The following UPRT variants were observed in gnomAD, a reference collection of about 807,000 sequenced individuals.
The protein encoded by UPRT is uracil phosphoribosyltransferase homolog.
UPRT carries 5 observed loss-of-function variants against 22.6 expected under a neutral mutation model. That is an observed-to-expected ratio of 0.22 (90% confidence interval 0.12 to 0.47). The LOEUF (loss-of-function observed/expected upper bound fraction) is 0.47. Ranked by LOEUF, UPRT falls within the 20% of genes least tolerant of loss-of-function variation. The probability of loss-of-function intolerance (pLI) is 0.99; values close to 1 mark genes in which losing one functional copy is unlikely to be tolerated. For missense variants in UPRT, 181 were observed against 239.9 expected, an observed-to-expected ratio of 0.75 and a Z score of 1.62; for synonymous variants, 77 against 87.7, an observed-to-expected ratio of 0.88 and a Z score of 0.68.
At chrX:75,219,725 T>C in intron 4 of UPRT, among the ~76,000 whole-genome samples, 1 of 110,978 alleles carries the variant, frequency 9.0e-6, no homozygotes, top group South Asian at 3.8e-4. Context: ...TATAAAGCCA[T>C]TATTATTAGA....
chrX:75,233,329 C>A (rs370479865), intron 4 of UPRT, among the ~76,000 whole-genome samples: 3 of 111,204 alleles, frequency 2.7e-5, no homozygotes, highest in South Asian at 7.7e-4. Context: ...CTGAAAGTGA[C>A]GGGGAGAATG....
At chrX:75,174,839 T>C (rs2147606069) in intron 4 of UPRT, among the ~76,000 whole-genome samples, 1 of 111,850 alleles carries the variant, frequency 8.9e-6, no homozygotes, top group African/African-American at 3.3e-5. Flanking sequence ...GAAATTTACC[T>C]TGGCTTTTAA....
intron 4 of UPRT, among the ~76,000 whole-genome samples, chrX:75,175,416 C>T (rs767651974): frequency 7.1e-5 from 8 of 112,251 alleles, no homozygotes; most frequent in African/African-American, 2.3e-4. Context: ...TACAGGCTGT[C>T]CTAGGATTCC....
intron 1 of UPRT, among the ~76,000 whole-genome samples, chrX:75,284,395 T>C (rs2082671163): frequency 9.0e-6 from 1 of 111,624 alleles, no homozygotes; most frequent in Admixed American, 9.5e-5. Flanking sequence ...TACCAGGGTT[T>C]GTTTTCTGTT....
chrX:75,261,350 C>T (rs1445259777), intron 4 of UPRT, among the ~76,000 whole-genome samples: 2 of 111,616 alleles, frequency 1.8e-5, no homozygotes, highest in South Asian at 7.4e-4. Flanking sequence ...CCAAAGATCC[C>T]AAAGAAATAC....
At chrX:75,247,683 T>G (rs1437942850) in intron 4 of UPRT, among the ~76,000 whole-genome samples, 2 of 112,722 alleles carry the variant, frequency 1.8e-5, no homozygotes, top group Non-Finnish European at 3.8e-5. Flanking sequence ...CAGTAAACTC[T>G]GCAGACTTAA....
At chrX:75,239,702 A>G (rs949157376) in intron 4 of UPRT, among the ~76,000 whole-genome samples, 1 of 111,705 alleles carries the variant, frequency 9.0e-6, no homozygotes, top group African/African-American at 3.3e-5. Context: ...TATCCTTGAC[A>G]AAATACCAGC....
chrX:75,232,531 T>A (rs1459336158), intron 4 of UPRT, among the ~76,000 whole-genome samples: 3 of 112,372 alleles, frequency 2.7e-5, no homozygotes, highest in Non-Finnish European at 5.6e-5. Context: ...GACTTAAATG[T>A]CCCTGTCTGA....
intron 4 of UPRT, among the ~76,000 whole-genome samples, chrX:75,214,298 C>T (rs1349431466): frequency 8.9e-6 from 1 of 112,610 alleles, no homozygotes; most frequent in Non-Finnish European, 1.9e-5. Flanking sequence ...GTAGTATACA[C>T]ATACAATGAA....
At chrX:75,175,303 C>T (rs1344970649) in intron 4 of UPRT, among the ~76,000 whole-genome samples, 1 of 111,804 alleles carries the variant, frequency 8.9e-6, no homozygotes, top group East Asian at 2.8e-4. Flanking sequence ...GCTAATATAT[C>T]CCTCCCTAAT....
At chrX:75,186,341 A>T (rs1317278151) in intron 4 of UPRT, among the ~76,000 whole-genome samples, 1 of 111,641 alleles carries the variant, frequency 9.0e-6, no homozygotes, top group Non-Finnish European at 1.9e-5. Context: ...TTTGAGTGAG[A>T]TTCTTAATCC....
At chrX:75,243,178 A>AT (rs1034184266) in intron 4 of UPRT, among the ~76,000 whole-genome samples, 3 of 111,223 alleles carry the variant, frequency 2.7e-5, no homozygotes, top group Admixed American at 1.9e-4. Context: ...TTATCCTTTC[A>AT]TTTTTTAAAA....
intron 1 of UPRT, among the ~76,000 whole-genome samples, chrX:75,285,162 G>T (rs1288742375): frequency 9.0e-6 from 1 of 111,276 alleles, no homozygotes; most frequent in African/African-American, 3.3e-5. Flanking sequence ...CCCTCCAACA[G>T]CCCCAAGTCT....
rs970151865 is a variant in UPRT, at chrX:75,297,504, A to C, written c.513A>C (p.Glu171Asp). The change falls in exon 4 of 7, where the codon GAA (glutamate) becomes GAC (aspartate). Residue 171 changes from glutamate (E) to aspartate (D), a missense_variant. Glu to Asp is a conservative substitution (Grantham distance 45, BLOSUM62 2). Around this residue, in one of 2 missense-constraint regions of UPRT, gnomAD observed 70 missense variants for 137.0 expected, o/e 0.51. Coordinates refer to ENST00000373383, the MANE Select transcript of UPRT (RefSeq NM_145052.4). ...MVTTPTGYKY[E>D]GVKFEKGNCG... ...ATTTCCTAACAGGGTACAAGTATGA[A>C]GGAGTGAAATTTGAGAAGGGAAATT... The C allele has an allele frequency of 8.3e-7, 1 of 1,209,903 alleles. No individual in the cohort carries two copies. Among genetic ancestry groups the C allele is most frequent in the Non-Finnish European group, 1.1e-6 (1 of 895,009 alleles).
intron 1 of UPRT, among the ~76,000 whole-genome samples, chrX:75,276,406 C>G (rs1450016138): frequency 9.0e-6 from 1 of 111,395 alleles, no homozygotes; most frequent in African/African-American, 3.3e-5. Context: ...TGAAACTATA[C>G]TATTTTACTC....
intron 4 of UPRT, among the ~76,000 whole-genome samples, chrX:75,208,925 G>A (rs779218096): frequency 9.0e-6 from 1 of 111,703 alleles, no homozygotes; most frequent in South Asian, 3.8e-4. Context: ...GGGGAGGAGA[G>A]GGAAGCATCT....
At chrX:75,189,335 T>C (rs1391601162) in intron 4 of UPRT, among the ~76,000 whole-genome samples, 3 of 112,481 alleles carry the variant, frequency 2.7e-5, no homozygotes, top group Non-Finnish European at 3.8e-5. Context: ...GATTGCACTG[T>C]AGTCTGAGAG....
chrX:75,185,128 G>A (rs966026358), intron 4 of UPRT, among the ~76,000 whole-genome samples: 8 of 111,822 alleles, frequency 7.2e-5, no homozygotes, highest in Admixed American at 1.9e-4. Flanking sequence ...CCGAGGTTTT[G>A]CCCATTCAGT....
intron 4 of UPRT, among the ~76,000 whole-genome samples, chrX:75,194,063 G>C (rs2082325154): frequency 8.9e-6 from 1 of 111,938 alleles, no homozygotes; most frequent in Admixed American, 9.5e-5. Context: ...TTCTTGTGCT[G>C]GTTCTTTCTC....
Sources: allele counts gnomAD v4.1 joint callset (sites outside exome capture counted in the v4.1 genomes callset), GRCh38; gene constraint gnomAD v4.1.1; regional missense constraint gnomAD v4.1.1; transcripts MANE v1.5; gene names NCBI Gene and HGNC (gene_info 2026-07-23, HGNC 2026-07-21).